The following ZNF569 variants were observed in gnomAD, a reference collection of about 807,000 sequenced individuals.
The protein encoded by ZNF569 is DNA-binding protein.
In ZNF569, 38 loss-of-function variants were observed where a neutral mutation model predicts 56.3. The ratio of observed to expected loss-of-function variants is 0.68; its 90% CI spans 0.52 to 0.88. The LOEUF (loss-of-function observed/expected upper bound fraction) is 0.88. ZNF569 is among the 40% of genes least tolerant of loss of function. The probability of loss-of-function intolerance (pLI) is 0.00; values close to 1 mark genes in which losing one functional copy is unlikely to be tolerated. For synonymous variants in ZNF569, 241 were observed against 262.9 expected, an observed-to-expected ratio of 0.92 and a Z score of 0.81; for missense variants, 666 against 809.2, an observed-to-expected ratio of 0.82 and a Z score of 2.15.
rs929632139 is a variant in ZNF569, at chr19:37,465,369, T to C, written c.-100A>G. ...GTACCATGATAGTAGGGGGTTTGTC[T>C]CTTGTTCACTGCTATATCCCAAGCA... is the stretch of plus-strand genomic sequence containing the variant. On this transcript the variant is annotated 5_prime_UTR_variant, in exon 2 of 6. Coordinates refer to ENST00000316950, the MANE Select transcript of ZNF569 (RefSeq NM_152484.3). The C allele has an allele frequency of 5.3e-5, 8 of 152,234 alleles. No individual in the cohort carries two copies. Among genetic ancestry groups the C allele is most frequent in the Admixed American group, 1.3e-4 (2 of 15,282 alleles). 9.4% of individuals were successfully genotyped at this position (152,234 alleles called of 1,614,324 possible).
At position 37,426,347 on chromosome 19, in the gene ZNF569, T is replaced by C; in HGVS notation, c.47A>G (p.Asp16Gly). The change falls in exon 4 of 6, where the codon GAC becomes GGC. Residue 16 changes from aspartate to glycine, a missense_variant. Physicochemically the swap from Asp to Gly is moderately conservative, Grantham distance 94 (BLOSUM62 -1). Coordinates refer to ENST00000316950, the MANE Select transcript of ZNF569 (RefSeq NM_152484.3). Reference sequence around the variant, plus strand: ...TCTCTTCCACTCCTCCTGAGTGAAGTCGATAGCCACATCTTTGAATGTTAC... The same window carrying C: ...TCTCTTCCACTCCTCCTGAGTGAAGCCGATAGCCACATCTTTGAATGTTAC... ...GTVTFKDVAI[D>G]FTQEEWKRLD... 6.2e-7 allele frequency: 1 copy of C among 1,612,416 alleles called. No homozygotes were observed. The highest frequency in any genetic ancestry group is 8.5e-7 in the Non-Finnish European group (1 of 1,179,410).
chr19:37,464,768 G>C (rs2041806413), intron 2 of ZNF569, among the ~76,000 whole-genome samples: 1 of 152,126 alleles, frequency 6.6e-6, no homozygotes, highest in South Asian at 2.1e-4. Context: ...CACAATTGTA[G>C]CTTCCTAATT....
intron 2 of ZNF569, among the ~76,000 whole-genome samples, chr19:37,455,626 C>T (rs982625220): frequency 1.3e-5 from 2 of 152,192 alleles, no homozygotes; most frequent in African/African-American, 4.8e-5. Context: ...CTCTAGTTAG[C>T]GTGAACTAAC....
Position 37,412,543 on chromosome 19 carries a change from G to A in ZNF569, c.*54C>T. 1 of 1,522,372 alleles carries A rather than the reference G, an allele frequency of 6.6e-7. No homozygotes were observed. The highest frequency in any genetic ancestry group is 8.8e-7 in the Non-Finnish European group (1 of 1,138,628). The allele number at this position is 1,522,372 out of a possible 1,614,324, so 94.3% of individuals were successfully genotyped here. On this transcript the variant is annotated 3_prime_UTR_variant, in exon 6 of 6. Transcript: ENST00000316950. Reference sequence around the variant, plus strand: ...TGGAAGTGATCATGTAATGTGCAATGAGGTGTTAATTCCTTCAGATGGCCT... The same window carrying A: ...TGGAAGTGATCATGTAATGTGCAATAAGGTGTTAATTCCTTCAGATGGCCT...
intron 5 of ZNF569, among the ~76,000 whole-genome samples, chr19:37,423,173 C>T (rs546423273): frequency 2.0e-5 from 3 of 152,204 alleles, no homozygotes; most frequent in East Asian, 1.9e-4. Flanking sequence ...TGGAAAAATA[C>T]AACCTATTAT....
intron 2 of ZNF569, among the ~76,000 whole-genome samples, chr19:37,460,749 C>T (rs1242387725): frequency 6.7e-6 from 1 of 149,024 alleles, no homozygotes; most frequent in Non-Finnish European, 1.5e-5. Context: ...CTGGGCAATA[C>T]AGTGATACCC....
chr19:37,421,334 T>C (rs1229545303), intron 5 of ZNF569, among the ~76,000 whole-genome samples: 1 of 152,232 alleles, frequency 6.6e-6, no homozygotes, highest in Admixed American at 6.5e-5. Context: ...GTGAAAGTCC[T>C]AGATGGCATC....
Sources: gnomAD v4.1 joint callset for allele counts (sites outside exome capture counted in the v4.1 genomes callset) on GRCh38, gnomAD v4.1.1 for gene constraint, MANE v1.5 for transcripts, NCBI Gene and HGNC (gene_info 2026-07-23, HGNC 2026-07-21) for gene names.